The following FRMPD2 variants were observed in gnomAD, a reference collection of about 807,000 sequenced individuals.
FRMPD2 encodes FERM and PDZ domain containing 2.
In FRMPD2, 96 loss-of-function variants were observed where a neutral mutation model predicts 140.1. The ratio of observed to expected loss-of-function variants is 0.69; its 90% CI spans 0.58 to 0.81. FRMPD2 has a LOEUF of 0.81. FRMPD2 is among the 40% of genes least tolerant of loss of function. The probability of loss-of-function intolerance (pLI) is 0.00; values close to 1 mark genes in which losing one functional copy is unlikely to be tolerated. For missense variants in FRMPD2, 1,240 were observed against 1,447.4 expected, an observed-to-expected ratio of 0.86 and a Z score of 2.32; for synonymous variants, 449 against 547.6, an observed-to-expected ratio of 0.82 and a Z score of 2.52.
rs761866315 is a variant in FRMPD2 at position 48,274,681 on chromosome 10, G to A, written c.-114C>T. ...GCTCCCTGCCACCAGCACTGTTGCCGCTGTCTTTGTTTACTGCTTGTCACT... is the reference window on the plus strand; with the variant it reads ...GCTCCCTGCCACCAGCACTGTTGCCACTGTCTTTGTTTACTGCTTGTCACT... On this transcript the variant is annotated 5_prime_UTR_variant, in exon 1 of 29. Coordinates refer to ENST00000374201, the MANE Select transcript of FRMPD2 (RefSeq NM_001018071.4). 2.7e-5 allele frequency: 26 copies of A among 956,716 alleles called. No individual in the cohort carries two copies. Among genetic ancestry groups the A allele is most frequent in the Non-Finnish European group, 4.0e-5 (24 of 604,416 alleles). The allele number at this position is 956,716 out of a possible 1,614,324, so 59.3% of individuals were successfully genotyped here.
At position 48,161,706 on chromosome 10, in the gene FRMPD2, T is replaced by C. The variant is rs144318693; in HGVS notation, c.3881+1622A>G. Reference sequence around the variant, plus strand: ...AGCAAGTTCTGCATCCCTGCAGATATTCAAGCAAAAGCTGGGACCCCTTCT... The same window carrying C: ...AGCAAGTTCTGCATCCCTGCAGATACTCAAGCAAAAGCTGGGACCCCTTCT... On this transcript the variant is annotated intron_variant, in intron 28 of 28. Transcript: ENST00000374201. Among the ~76,000 whole-genome samples, 158 of 151,636 alleles carry C rather than the reference T, an allele frequency of 1.0e-3. 3 individuals carry two copies. Among genetic ancestry groups the C allele is most frequent in the African/African-American group, 3.5e-3 (145 of 41,114 alleles).
chr10:48,211,272 T>G lies in FRMPD2; in HGVS notation c.1611+682A>C, dbSNP rs181979206. Among the ~76,000 whole-genome samples the G allele has an allele frequency of 8.4e-4, 128 of 152,346 alleles. 1 individual carries two copies. In the East Asian group the frequency reaches 0.02, roughly 24 times the overall value. ...GGGGAGACTGCAGTGCCACTGTTTT[T>G]GCCCCGCTGGTGAAGAGACGGTGGG... is the stretch of plus-strand genomic sequence containing the variant. On this transcript the variant is annotated intron_variant, in intron 13 of 28. Transcript: ENST00000374201.
intron 13 of FRMPD2, among the ~76,000 whole-genome samples, chr10:48,208,058 T>TATCATC (rs201559648): frequency 0.022 from 3,334 of 151,246 alleles, 125 homozygotes; most frequent in African/African-American, 0.076. Flanking sequence ...TCATCATCAT[T>TATCATC]ATCATCATCA....
chr10:48,222,257 T>C, intron 12 of FRMPD2, 56 bp downstream of exon 12: 4 of 1,579,604 alleles, frequency 2.5e-6, no homozygotes, highest in Non-Finnish European at 3.4e-6. Context: ...CATGCCCTCA[T>C]CCTGTAACTG....
At chr10:48,222,230 T>C in intron 12 of FRMPD2, 83 bp downstream of exon 12, 1 of 1,396,720 alleles carries the variant, frequency 7.2e-7, no homozygotes, top group Non-Finnish European at 9.8e-7. Flanking sequence ...CAAAGCAGAG[T>C]CTCCACATTA....
At position 48,226,530 on chromosome 10, in the gene FRMPD2, C is replaced by T. The variant is rs143587674; in HGVS notation, c.1169-3260G>A. 4.9e-3 allele frequency among the ~76,000 whole-genome samples: 745 copies of T among 152,284 alleles called. 4 individuals are homozygous for T. The highest frequency in any genetic ancestry group is 0.02 in the Middle Eastern group (6 of 294). On this transcript the variant is annotated intron_variant, in intron 10 of 28. Transcript: ENST00000374201. ...TATTTAAGTTAAAGGCACTTTTAAG[C>T]GCACTTTTAAGAGCAGGTGCAAATT...
chr10:48,225,868 G>T (rs1420712329), intron 10 of FRMPD2, among the ~76,000 whole-genome samples: 1 of 152,104 alleles, frequency 6.6e-6, no homozygotes, highest in Non-Finnish European at 1.5e-5. Context: ...CCTCATTTTG[G>T]CTTGCTTTGA....
chr10:48,248,828 G>A (rs2131962851), intron 3 of FRMPD2, 193 bp downstream of exon 3: 1 of 447,528 alleles, frequency 2.2e-6, no homozygotes, highest in East Asian at 3.4e-5. Flanking sequence ...TCAGAGAAGT[G>A]GACTTGCCCT....
At chr10:48,224,417 T>C (rs376078203) in intron 10 of FRMPD2, among the ~76,000 whole-genome samples, 17 of 152,326 alleles carry the variant, frequency 1.1e-4, no homozygotes, top group Non-Finnish European at 8.8e-5. Context: ...TTTAAACTGG[T>C]GACCAACCTC....
chr10:48,193,152 A>G (rs1164164477), intron 15 of FRMPD2, among the ~76,000 whole-genome samples: 1 of 152,246 alleles, frequency 6.6e-6, no homozygotes, highest in Non-Finnish European at 1.5e-5. Flanking sequence ...ACGCAGAGCC[A>G]AAGAGCCTGT....
chr10:48,201,125 A>C, intron 15 of FRMPD2, 103 bp downstream of exon 15: 1 of 768,790 alleles, frequency 1.3e-6, no homozygotes, highest in South Asian at 3.4e-5. Flanking sequence ...GAGATTTACA[A>C]CTCTATTAGA....
intron 10 of FRMPD2, among the ~76,000 whole-genome samples, chr10:48,223,820 CATCCTTATAACAGGAGGAAGACACCAG>C (rs1564430796): frequency 6.6e-6 from 1 of 152,172 alleles, no homozygotes; most frequent in Admixed American, 6.5e-5. Flanking sequence ...ATGGGATCAG[CATCCTTATAACAGGAGGAAGACACCAG>C]AGCTTCCTCT....
intron 26 of FRMPD2, among the ~76,000 whole-genome samples, chr10:48,170,774 C>G (rs1251159211): frequency 1.3e-5 from 2 of 151,356 alleles, no homozygotes; most frequent in Non-Finnish European, 3.0e-5. Flanking sequence ...TCTCATGAAC[C>G]CAGTGAGAAG....
At chr10:48,196,467 C>T (rs996988909) in intron 15 of FRMPD2, among the ~76,000 whole-genome samples, 72 of 152,306 alleles carry the variant, frequency 4.7e-4, no homozygotes, top group African/African-American at 1.7e-3. Flanking sequence ...GTTGGGTTCC[C>T]CCAGCTTTGA....
At chr10:48,212,225 T>G in intron 12 of FRMPD2, 116 bp from the exon 13 acceptor site, 1 of 975,270 alleles carries the variant, frequency 1.0e-6, no homozygotes, top group Non-Finnish European at 1.5e-6. Context: ...AGAAAGACAC[T>G]TCCTCGAGGT....
rs912294812 is a variant in FRMPD2 at position 48,192,739 on chromosome 10, C to A, written c.2110G>T (p.Asp704Tyr). 1 of 1,614,176 alleles carries A rather than the reference C, an allele frequency of 6.2e-7. No homozygotes were observed. Among genetic ancestry groups the A allele is most frequent in the Non-Finnish European group, 8.5e-7 (1 of 1,180,032 alleles). ...TTGCTGCCGTCCACGTTGAAGTTATCCATTGATGTACTCAGCAGGCCTCCT... is the reference window on the plus strand; with the variant it reads ...TTGCTGCCGTCCACGTTGAAGTTATACATTGATGTACTCAGCAGGCCTCCT... ...AAGGLLSTSM[D>Y]NFNVDGSKEA... Residue 704 changes from aspartate (D) to tyrosine (Y), a missense_variant, in exon 16 of 29, where the codon GAT (aspartate) becomes TAT (tyrosine). This residue lies in a region of FRMPD2 where 1,161 missense variants were observed against 1,055.9 expected (regional missense o/e 1.10). Transcript: ENST00000374201.
At chr10:48,233,472 AG>A (rs1839900685) in intron 9 of FRMPD2, among the ~76,000 whole-genome samples, 1 of 152,188 alleles carries the variant, frequency 6.6e-6, no homozygotes, top group African/African-American at 2.4e-5. Context: ...GAAGGCTGGG[AG>A]GCAGGTCTGA....
intron 1 of FRMPD2, among the ~76,000 whole-genome samples, chr10:48,256,323 G>A (rs758178512): frequency 1.4e-4 from 21 of 151,106 alleles, no homozygotes; most frequent in African/African-American, 3.6e-4. Context: ...GCGGCACACC[G>A]TATGCATTAG....
chr10:48,213,922 C>T (rs1237152621), intron 12 of FRMPD2, among the ~76,000 whole-genome samples: 3 of 152,174 alleles, frequency 2.0e-5, no homozygotes, highest in Non-Finnish European at 4.4e-5. Flanking sequence ...TCATATCCAA[C>T]TAAATCAGAG....
Sources: allele counts gnomAD v4.1 joint callset (sites outside exome capture counted in the v4.1 genomes callset), GRCh38; gene constraint gnomAD v4.1.1; regional missense constraint gnomAD v4.1.1; transcripts MANE v1.5; gene names NCBI Gene and HGNC (gene_info 2026-07-23, HGNC 2026-07-21).